Variants in PTPN5 observed in about 807,000 individuals in gnomAD.
PTPN5 encodes tyrosine-protein phosphatase non-receptor type 5.
PTPN5 carries 29 observed loss-of-function variants against 73.9 expected under a neutral mutation model. The observed-to-expected ratio is 0.39, with a 90% CI of 0.29 to 0.54. The LOEUF (loss-of-function observed/expected upper bound fraction) is 0.54. Among genes scored for constraint, PTPN5 ranks in the 20% least tolerant of loss-of-function variants. The probability of loss-of-function intolerance (pLI) is 0.65; values close to 1 mark genes in which losing one functional copy is unlikely to be tolerated. For synonymous variants in PTPN5, 267 were observed against 304.7 expected (o/e 0.88, Z 1.29); for missense variants, 652 against 751.4 (o/e 0.87, Z 1.55).
chr11:18,732,463 A>T (rs1848923313), intron 12 of PTPN5, 129 bp downstream of exon 12: 1 of 709,786 alleles, frequency 1.4e-6, no homozygotes, highest in African/African-American at 1.8e-5. Context: ...CGTAATTATC[A>T]GAAAATCTGG....
chr11:18,732,458 T>C lies in PTPN5; in HGVS notation c.1329+134A>G. The C allele has an allele frequency of 8.6e-6, 6 of 696,612 alleles. 1 individual carries two copies. The South Asian group carries it at 1.0e-4, about 12-fold the overall frequency. 43.2% of individuals were successfully genotyped at this position (696,612 alleles called of 1,614,324 possible). Reference sequence around the variant, plus strand: ...CCATTCACCTCTCACTCATCCGTAATTATCAGAAAATCTGGGAGTGACACT... The same window carrying C: ...CCATTCACCTCTCACTCATCCGTAACTATCAGAAAATCTGGGAGTGACACT... On this transcript the variant is annotated intron_variant, in intron 12 of 14. Transcript: ENST00000358540.
intron 3 of PTPN5, among the ~76,000 whole-genome samples, chr11:18,752,129 G>A (rs1849916527): frequency 6.6e-6 from 1 of 152,196 alleles, no homozygotes; most frequent in Non-Finnish European, 1.5e-5. Context: ...TACTCAGGAG[G>A]CTGAGGCAAG....
chr11:18,761,950 G>C (rs954254770), intron 3 of PTPN5, among the ~76,000 whole-genome samples: 1 of 152,300 alleles, frequency 6.6e-6, no homozygotes, highest in East Asian at 1.9e-4. Context: ...CCGGGTGACT[G>C]TGCGTGGGAA....
At chr11:18,766,779 T>C (rs183046607) in intron 2 of PTPN5, among the ~76,000 whole-genome samples, 15 of 152,326 alleles carry the variant, frequency 9.8e-5, no homozygotes, top group Admixed American at 9.8e-4. Context: ...CCAGTGGCCT[T>C]GTCTGCCTTT....
chr11:18,775,698 T>C (rs1362700812), intron 1 of PTPN5, among the ~76,000 whole-genome samples: 1 of 152,230 alleles, frequency 6.6e-6, no homozygotes, highest in Non-Finnish European at 1.5e-5. Context: ...CCCAGGCTAC[T>C]GTGTGACCTT....
intron 3 of PTPN5, among the ~76,000 whole-genome samples, chr11:18,745,306 T>C (rs1849565316): frequency 6.6e-6 from 1 of 152,164 alleles, no homozygotes; most frequent in African/African-American, 2.4e-5. Context: ...GCATAGCCGT[T>C]TGTCCATGAG....
intron 1 of PTPN5, among the ~76,000 whole-genome samples, chr11:18,780,765 A>AG (rs1851382157): frequency 6.6e-6 from 1 of 152,140 alleles, no homozygotes; most frequent in African/African-American, 2.4e-5. Flanking sequence ...ACAAGGGGCA[A>AG]GGGATAAAAC....
intron 1 of PTPN5, among the ~76,000 whole-genome samples, chr11:18,774,351 C>G (rs899517105): frequency 6.6e-6 from 1 of 152,160 alleles, no homozygotes; most frequent in Non-Finnish European, 1.5e-5. Flanking sequence ...GGGCTCTGAA[C>G]AATGCCAAGT....
intron 1 of PTPN5, among the ~76,000 whole-genome samples, chr11:18,776,011 C>A (rs145874949): frequency 6.6e-6 from 1 of 152,088 alleles, no homozygotes; most frequent in Non-Finnish European, 1.5e-5. Flanking sequence ...ATAAATGGTG[C>A]GGCGGTCACG....
chr11:18,736,782 C>T (rs1266614113), intron 9 of PTPN5, among the ~76,000 whole-genome samples: 1 of 152,188 alleles, frequency 6.6e-6, no homozygotes, highest in East Asian at 1.9e-4. Context: ...CTAGTCTGCT[C>T]CCACCTTCCC....
At position 18,733,244 on chromosome 11, in the gene PTPN5, C is replaced by A; in HGVS notation, c.1209G>T (p.Glu403Asp). ...PIIVMITNIE[E>D]MNEKCTEYWP... is the part of the protein sequence containing the mutation. ...GGACGGGGGTCCCTACCTCGTTCATCTCCTCGATGTTGGTGATCATGACAA... is the reference window on the plus strand; with the variant it reads ...GGACGGGGGTCCCTACCTCGTTCATATCCTCGATGTTGGTGATCATGACAA... Residue 403 changes from glutamate to aspartate, a missense_variant, in exon 11 of 15, where the codon GAG (glutamate) becomes GAT (aspartate). Around this residue, in one of 3 missense-constraint regions of PTPN5, gnomAD observed 529 missense variants for 573.9 expected, o/e 0.92. Transcript: ENST00000358540. The surrounding 1 kb of genome is among the most constrained non-coding windows in gnomAD (Gnocchi z 4.3). 6.2e-7 allele frequency: 1 copy of A among 1,612,238 alleles called. No individual in the cohort carries two copies. Among genetic ancestry groups the A allele is most frequent in the Non-Finnish European group, 8.5e-7 (1 of 1,178,512 alleles).
At chr11:18,772,474 C>T (rs1455604085) in intron 1 of PTPN5, among the ~76,000 whole-genome samples, 2 of 152,208 alleles carry the variant, frequency 1.3e-5, no homozygotes, top group African/African-American at 2.4e-5. Flanking sequence ...TCTGTCCTCA[C>T]GTCTGAGCAG....
At chr11:18,774,169 G>T (rs983310599) in intron 1 of PTPN5, among the ~76,000 whole-genome samples, 18 of 152,216 alleles carry the variant, frequency 1.2e-4, no homozygotes, top group African/African-American at 4.1e-4. Flanking sequence ...TAACACGGAT[G>T]ACAACACCTT....
At chr11:18,749,550 G>C (rs1849792078) in intron 3 of PTPN5, 21 of 517,208 alleles carry the variant, frequency 4.1e-5, no homozygotes, top group South Asian at 2.9e-4. Context: ...TTTTGTGCCT[G>C]GTCCCCAGCT....
intron 8 of PTPN5, 25 bp from the exon 9 acceptor site, chr11:18,737,989 G>A (rs780797955): frequency 1.3e-6 from 2 of 1,588,166 alleles, no homozygotes; most frequent in South Asian, 1.1e-5. Context: ...CACGGGGTGT[G>A]AGCAGCTATG....
At position 18,765,865 on chromosome 11, in the gene PTPN5, G is replaced by T; in HGVS notation, c.39C>A (p.His13Gln). The part of the protein sequence containing the change: ...YEGARSEREN[H>Q]AADDSEGGAL... ...CCCCTCCCTCGGAGTCATCAGCAGC[G>T]TGGTTCTCTCTCTCACTCCTGCAGC... The change falls in exon 3 of 15, where the codon CAC becomes CAA. Residue 13 changes from histidine to glutamine, a missense_variant. This residue lies in a region of PTPN5 where 529 missense variants were observed against 573.9 expected (regional missense o/e 0.92). Coordinates refer to ENST00000358540, the MANE Select transcript of PTPN5 (RefSeq NM_006906.2). 3 of 1,579,222 alleles carry T rather than the reference G, an allele frequency of 1.9e-6. No individual in the cohort carries two copies. The highest frequency in any genetic ancestry group is 2.6e-6 in the Non-Finnish European group (3 of 1,161,202).
intron 1 of PTPN5, among the ~76,000 whole-genome samples, chr11:18,787,868 GGCAT>G (rs1322992187): frequency 2.6e-5 from 4 of 152,118 alleles, no homozygotes; most frequent in Admixed American, 2.6e-4. Context: ...AGAACAACCT[GGCAT>G]GTAACAGATG....
At position 18,744,010 on chromosome 11, in the gene PTPN5, A is replaced by G. The variant is rs1249311279; in HGVS notation, c.287T>C (p.Phe96Ser). The change falls in exon 4 of 15, where the codon TTC (phenylalanine) becomes TCC (serine). Residue 96 changes from phenylalanine to serine, a missense_variant. Transcript: ENST00000358540. ...TGAGGCCTGTGCCATCCTTACCAGG[A>G]ACTGTGAGGCAGCGAACAGGCACAG... is the stretch of plus-strand genomic sequence containing the variant. Reference protein sequence around the residue: ...SSLCLFAASQFLLACGVLWFS... With the variant: ...SSLCLFAASQSLLACGVLWFS... 3.8e-6 allele frequency: 6 copies of G among 1,597,384 alleles called. No individual in the cohort carries two copies. In the Admixed American group the frequency reaches 1.1e-4, roughly 28 times the overall value.
chr11:18,783,388 G>T (rs955915074), intron 1 of PTPN5, among the ~76,000 whole-genome samples: 2 of 152,212 alleles, frequency 1.3e-5, no homozygotes, highest in African/African-American at 4.8e-5. Flanking sequence ...GGCTAAAGAA[G>T]AACACAGCTG....
Sources: gnomAD v4.1 joint callset for allele counts (sites outside exome capture counted in the v4.1 genomes callset) on GRCh38, gnomAD v4.1.1 for gene constraint, gnomAD v4.1.1 regional missense constraint, Gnocchi (gnomAD v3.1) non-coding constraint, MANE v1.5 for transcripts, NCBI Gene and HGNC (gene_info 2026-07-23, HGNC 2026-07-21) for gene names.